The following TWNK variants were observed in gnomAD, a reference collection of about 807,000 sequenced individuals.
TWNK encodes the protein T7 gp4-like protein with intramitochondrial nucleoid localization.
A neutral mutation model predicts 58.2 loss-of-function variants in TWNK; 36 were observed. The observed-to-expected ratio is 0.62, with a 90% CI of 0.47 to 0.82. The LOEUF (loss-of-function observed/expected upper bound fraction) is 0.82, where lower values mean the gene tolerates loss of function less well. Ranked by LOEUF, TWNK falls within the 40% of genes least tolerant of loss-of-function variation. The pLI is 0.00. For missense variants in TWNK, 714 were observed against 881.0 expected (o/e 0.81, Z 2.40); for synonymous variants, 349 against 348.5 (o/e 1.00, Z -0.02).
At position 100,987,807 on chromosome 10, in the gene TWNK, A is replaced by C. The variant is rs575692564; in HGVS notation, c.-404A>C. The C allele has an allele frequency of 1.7e-4, 99 of 587,332 alleles. 1 individual carries two copies. Among genetic ancestry groups the C allele is most frequent in the African/African-American group, 1.6e-3 (88 of 53,754 alleles). The allele number at this position is 587,332 out of a possible 1,614,324, so 36.4% of individuals were successfully genotyped here. On this transcript the variant is annotated 5_prime_UTR_variant, in exon 1 of 5. Coordinates refer to ENST00000311916, the MANE Select transcript of TWNK (RefSeq NM_021830.5). Reference sequence around the variant, plus strand: ...GGGTCTCTAGTCGGGGCCTAGGGCAAAGGGACTACAAAAAGGATGCAGATG... The same window carrying C: ...GGGTCTCTAGTCGGGGCCTAGGGCACAGGGACTACAAAAAGGATGCAGATG...
rs772221026 is a variant in TWNK at position 100,988,287 on chromosome 10, G to A, written c.77G>A (p.Gly26Asp). 1.9e-6 allele frequency: 3 copies of A among 1,607,482 alleles called. No individual in the cohort carries two copies. The highest frequency in any genetic ancestry group is 2.2e-5 in the East Asian group (1 of 44,486). The change falls in exon 1 of 5, where the codon GGC (glycine) becomes GAC (aspartate). Residue 26 changes from glycine to aspartate, a missense_variant. Transcript: ENST00000311916. The surrounding 1 kb of genome is among the most constrained non-coding windows in gnomAD (Gnocchi z 5.2). ...PLRGEWMGRR[G>D]LPRNLAPGPP... is the part of the protein sequence containing the mutation. ...CGTGGGGAGTGGATGGGTCGGAGGG[G>A]CCTGCCCCGAAACTTGGCCCCAGGC... is the stretch of plus-strand genomic sequence containing the variant.
Position 100,988,295 on chromosome 10 carries a change from C to A in TWNK, c.85C>A (p.Arg29=), listed in dbSNP as rs1292672301. The A allele has an allele frequency of 6.2e-7, 1 of 1,614,064 alleles. No homozygotes were observed. The highest frequency in any genetic ancestry group is 1.7e-5 in the Admixed American group (1 of 60,014). ...GTGGATGGGTCGGAGGGGCCTGCCC[C>A]GAAACTTGGCCCCAGGCCCTCCTCG... is the stretch of plus-strand genomic sequence containing the variant. The part of the protein sequence containing the change: ...GEWMGRRGLP[R]NLAPGPPRRR... Residue 29 remains arginine (R), a synonymous_variant, in exon 1 of 5, where the codon CGA becomes AGA. Coordinates refer to ENST00000311916, the MANE Select transcript of TWNK (RefSeq NM_021830.5). This position sits in a 1 kb window ranked among gnomAD's most constrained non-coding sequence, Gnocchi z 5.2.
rs1554887213 is a variant in TWNK at position 100,989,774 on chromosome 10, G to T, written c.1374G>T (p.Gln458His). 2 of 1,614,232 alleles carry T rather than the reference G, an allele frequency of 1.2e-6. No individual in the cohort carries two copies. Among genetic ancestry groups the T allele is most frequent in the Non-Finnish European group, 1.7e-6 (2 of 1,180,046 alleles). ...NVRLARVMLT[Q>H]FAEGRLEDQL... Reference sequence around the variant, plus strand: ...GACTAGCCCGGGTCATGCTGACACAGTTTGCCGAGGGGCGGCTGGAAGATC... The same window carrying T: ...GACTAGCCCGGGTCATGCTGACACATTTTGCCGAGGGGCGGCTGGAAGATC... Residue 458 changes from glutamine to histidine, a missense_variant, in exon 2 of 5, where the codon CAG (glutamine) becomes CAT (histidine). Around this residue, in one of 3 missense-constraint regions of TWNK, gnomAD observed 302 missense variants for 438.6 expected, o/e 0.69. Coordinates refer to ENST00000311916, the MANE Select transcript of TWNK (RefSeq NM_021830.5). This position sits in a 1 kb window ranked among gnomAD's most constrained non-coding sequence, Gnocchi z 7.6.
At chr10:100,991,151 G>A (rs1330247704) in intron 4 of TWNK, 141 bp downstream of exon 4, 3 of 1,230,130 alleles carry the variant, frequency 2.4e-6, no homozygotes, top group Non-Finnish European at 3.4e-6. Context: ...ATGACATGAG[G>A]AATATATGTG....
At chr10:100,992,205 C>CTTTTT (rs750231609) in intron 4 of TWNK, among the ~76,000 whole-genome samples, 2 of 79,014 alleles carry the variant, frequency 2.5e-5, no homozygotes, top group Admixed American at 1.5e-4. Context: ...GAGACCCTAT[C>CTTTTT]TTTTTTTTTT....
intron 4 of TWNK, among the ~76,000 whole-genome samples, chr10:100,992,133 G>A (rs910565558): frequency 4.0e-5 from 6 of 148,892 alleles, no homozygotes; most frequent in Non-Finnish European, 7.4e-5. Flanking sequence ...AGCCTGGGAG[G>A]TTGAGACTGC....
At position 100,988,817 on chromosome 10, in the gene TWNK, A is replaced by C. The variant is rs563671198; in HGVS notation, c.607A>C (p.Ser203Arg). The stretch of plus-strand genomic sequence containing the variant: ...TGTGCGATATCTGCGACCTGCTCGC[A>C]GTCTTGTCTTCCCTTGGTTCTCCCC... ...FSVRYLRPAR[S>R]LVFPWFSPGG... Residue 203 changes from serine to arginine, a missense_variant, in exon 1 of 5, where the codon AGT becomes CGT. By Grantham distance (110) the Ser-to-Arg change is moderately radical. Transcript: ENST00000311916. The surrounding 1 kb of genome is among the most constrained non-coding windows in gnomAD (Gnocchi z 5.2). The C allele has an allele frequency of 6.2e-7, 1 of 1,614,214 alleles. No individual in the cohort carries two copies. Among genetic ancestry groups the C allele is most frequent in the African/African-American group, 1.3e-5 (1 of 75,066 alleles).
chr10:100,993,148 C>A (rs1275256091), intron 4 of TWNK, 42 bp from the exon 5 acceptor site: 1 of 1,604,504 alleles, frequency 6.2e-7, no homozygotes, highest in Admixed American at 1.7e-5. Flanking sequence ...TTGCTCATGT[C>A]CTCTTACTCC....
chr10:100,989,203 C>A lies in TWNK; in HGVS notation c.993C>A (p.Phe331Leu), dbSNP rs1851690467. The change falls in exon 1 of 5, where the codon TTC becomes TTA. Residue 331 changes from phenylalanine (F) to leucine (L), a missense_variant. Coordinates refer to ENST00000311916, the MANE Select transcript of TWNK (RefSeq NM_021830.5). This position sits in a 1 kb window ranked among gnomAD's most constrained non-coding sequence, Gnocchi z 7.6. ...FARKLNPKRCFLVRPGDQQPR... is the reference protein window; with the variant it reads ...FARKLNPKRCLLVRPGDQQPR... ...GAAAACTGAACCCCAAACGATGCTT[C>A]TTGGTGCGACCAGGAGACCAGCAAC... 1 of 1,614,184 alleles carries A rather than the reference C, an allele frequency of 6.2e-7. No individual in the cohort carries two copies. The highest frequency in any genetic ancestry group is 1.3e-5 in the African/African-American group (1 of 75,058).
chr10:100,993,800 T>C lies in TWNK; in HGVS notation c.*290T>C. 2.1e-6 allele frequency: 1 copy of C among 472,782 alleles called. No individual in the cohort carries two copies. The highest frequency in any genetic ancestry group is 3.8e-6 in the Non-Finnish European group (1 of 262,166). The allele number at this position is 472,782 out of a possible 1,614,324, so 29.3% of individuals were successfully genotyped here. On this transcript the variant is annotated 3_prime_UTR_variant, in exon 5 of 5. Transcript: ENST00000311916. The stretch of plus-strand genomic sequence containing the variant: ...AGAGACAAGCAAGCAATGAACAAAT[T>C]AGCAGAAAACCTAGTTTTAGTGAAA...
In TWNK at chr10:100,993,404, A is replaced by G. The variant is rs1851839273; in HGVS notation, c.1949A>G (p.Lys650Arg). 1 of 1,614,112 alleles carries G rather than the reference A, an allele frequency of 6.2e-7. No individual in the cohort carries two copies. The highest frequency in any genetic ancestry group is 1.3e-5 in the African/African-American group (1 of 74,942). Reference protein sequence around the residue: ...KIKDDTGPVAKKPSSGKKGAT... With the variant: ...KIKDDTGPVARKPSSGKKGAT... ...AAGGATGACACTGGACCAGTGGCCA[A>G]AAAGCCCTCTTCTGGCAAAAAGGGG... The change falls in exon 5 of 5, where the codon AAA (lysine) becomes AGA (arginine). Residue 650 changes from lysine (K) to arginine (R), a missense_variant. Transcript: ENST00000311916.
At chr10:100,991,123 G>A (rs1851761539) in intron 4 of TWNK, 113 bp downstream of exon 4, 1 of 1,493,288 alleles carries the variant, frequency 6.7e-7, no homozygotes, top group African/African-American at 1.4e-5. Context: ...ACAGGCAGGA[G>A]GCAATGCCTC....
rs886046631 is a variant in TWNK, at chr10:100,988,486, C to T, written c.276C>T (p.Gly92=). The change falls in exon 1 of 5, where the codon GGC becomes GGT. Residue 92 remains glycine, a synonymous_variant. Coordinates refer to ENST00000311916, the MANE Select transcript of TWNK (RefSeq NM_021830.5). This position sits in a 1 kb window ranked among gnomAD's most constrained non-coding sequence, Gnocchi z 5.2. ...TTGCAGAGTCTTCACAGCTCAAAGG[C>T]CAGACTGGTGTTACCACTTCCTTCA... ...SPFAESSQLK[G]QTGVTTSFSL... The T allele has an allele frequency of 6.2e-7, 1 of 1,614,232 alleles. No homozygotes were observed. Among genetic ancestry groups the T allele is most frequent in the Non-Finnish European group, 8.5e-7 (1 of 1,180,050 alleles).
In TWNK at chr10:100,990,436, G is replaced by A. The variant is rs202197777; in HGVS notation, c.1485G>A (p.Arg495=). The part of the protein sequence containing the change: ...FMTFHGQQSI[R]TVIDTMQHAV... ...AATTCCTTGCCTTTCCTCTTCCCAG[G>A]ACTGTAATAGATACAATGCAACATG... Residue 495 remains arginine, a splice_region_variant and synonymous_variant, in exon 3 of 5, where the codon AGG becomes AGA. Coordinates refer to ENST00000311916, the MANE Select transcript of TWNK (RefSeq NM_021830.5). 1.5e-4 allele frequency: 243 copies of A among 1,612,342 alleles called. 1 individual carries two copies. The highest frequency in any genetic ancestry group is 1.7e-4 in the Non-Finnish European group (202 of 1,178,546).
At position 100,988,806 on chromosome 10, in the gene TWNK, G is replaced by C; in HGVS notation, c.596G>C (p.Arg199Pro). Residue 199 changes from arginine to proline, a missense_variant, in exon 1 of 5, where the codon CGA (arginine) becomes CCA (proline). Physicochemically the swap from Arg to Pro is moderately radical, Grantham distance 103 (BLOSUM62 -2). Coordinates refer to ENST00000311916, the MANE Select transcript of TWNK (RefSeq NM_021830.5). This position sits in a 1 kb window ranked among gnomAD's most constrained non-coding sequence, Gnocchi z 5.2. ...TLKRFSVRYLRPARSLVFPWF... is the reference protein window; with the variant it reads ...TLKRFSVRYLPPARSLVFPWF... ...AAGCGTTTCAGTGTGCGATATCTGC[G>C]ACCTGCTCGCAGTCTTGTCTTCCCT... 1.2e-6 allele frequency: 2 copies of C among 1,614,150 alleles called. No individual in the cohort carries two copies. The highest frequency in any genetic ancestry group is 1.1e-5 in the South Asian group (1 of 91,072).
At chr10:100,992,025 T>C (rs1851790106) in intron 4 of TWNK, among the ~76,000 whole-genome samples, 1 of 145,636 alleles carries the variant, frequency 6.9e-6, no homozygotes, top group Non-Finnish European at 1.5e-5. Flanking sequence ...TCAAAAAATA[T>C]ATATATATAA....
chr10:100,991,433 GCATCAGGACCAGCC>G lies in TWNK; in HGVS notation c.1734+426_1734+439del, dbSNP rs535073316. Among the ~76,000 whole-genome samples, 403 of 152,304 alleles carry G rather than the reference GCATCAGGACCAGCC, an allele frequency of 2.6e-3. 6 individuals carry two copies. The highest frequency in any genetic ancestry group is 0.024 in the Admixed American group (361 of 15,304). ...TCAGATAAATGTGAGGGCCTTCTGG[GCATCAGGACCAGCC>G]CAATCCTGGAGCTTCTAGTGTTACA... On this transcript the variant is annotated intron_variant, in intron 4 of 4. Transcript: ENST00000311916.
chr10:100,989,671 T>C lies in TWNK; in HGVS notation c.1271T>C (p.Phe424Ser). Reference sequence around the variant, plus strand: ...CCAACAGGCAGTGGAAAGACGACATTCATCAGTGAGTATGCCCTGGATTTG... The same window carrying C: ...CCAACAGGCAGTGGAAAGACGACATCCATCAGTGAGTATGCCCTGGATTTG... ...TGPTGSGKTTFISEYALDLCS... is the reference protein window; with the variant it reads ...TGPTGSGKTTSISEYALDLCS... The change falls in exon 2 of 5, where the codon TTC (phenylalanine) becomes TCC (serine). Residue 424 changes from phenylalanine to serine, a missense_variant. Around this residue, in one of 3 missense-constraint regions of TWNK, gnomAD observed 302 missense variants for 438.6 expected, o/e 0.69. Transcript: ENST00000311916. This position sits in a 1 kb window ranked among gnomAD's most constrained non-coding sequence, Gnocchi z 7.6. 1 of 1,614,144 alleles carries C rather than the reference T, an allele frequency of 6.2e-7. No homozygotes were observed. The highest frequency in any genetic ancestry group is 8.5e-7 in the Non-Finnish European group (1 of 1,180,034).
intron 2 of TWNK, among the ~76,000 whole-genome samples, chr10:100,990,178 T>TG (rs1338850282): frequency 3.1e-5 from 2 of 63,756 alleles, no homozygotes; most frequent in Non-Finnish European, 5.8e-5. Flanking sequence ...GGCATGGTGA[T>TG]GGCATATGCC....
Sources: allele counts gnomAD v4.1 joint callset (sites outside exome capture counted in the v4.1 genomes callset), GRCh38; gene constraint gnomAD v4.1.1; regional missense constraint gnomAD v4.1.1; non-coding constraint Gnocchi (gnomAD v3.1); transcripts MANE v1.5; gene names NCBI Gene and HGNC (gene_info 2026-07-23, HGNC 2026-07-21).